Variants in WRN observed in about 807,000 individuals in gnomAD.
WRN encodes WRN RecQ like helicase, also known as bifunctional 3'-5' exonuclease/ATP-dependent helicase WRN.
Under a neutral mutation model 180.7 loss-of-function variants are expected in WRN, and 149 were observed. The ratio of observed to expected loss-of-function variants is 0.82; its 90% CI spans 0.72 to 0.94. WRN has a LOEUF of 0.94. Among genes scored for constraint, WRN ranks in the 40% least tolerant of loss-of-function variants. The pLI, the probability that WRN is intolerant of heterozygous loss-of-function variation, is 0.00. For missense variants in WRN, 1,661 were observed against 1,700.1 expected, an observed-to-expected ratio of 0.98 and a Z score of 0.40; for synonymous variants, 548 against 568.9, an observed-to-expected ratio of 0.96 and a Z score of 0.52.
Position 31,175,175 on chromosome 8 carries a change from G to A in WRN, c.*2073G>A, listed in dbSNP as rs187304680. On this transcript the variant is annotated 3_prime_UTR_variant, in exon 35 of 35. Coordinates refer to ENST00000298139, the MANE Select transcript of WRN (RefSeq NM_000553.6). ...ACTGAGGCCGGGCGCGGTGGCTCACGCCTGTAATCCCAGCACTTTGGGAGG... is the reference window on the plus strand; with the variant it reads ...ACTGAGGCCGGGCGCGGTGGCTCACACCTGTAATCCCAGCACTTTGGGAGG... Among the ~76,000 whole-genome samples, 488 of 152,206 alleles carry A rather than the reference G, an allele frequency of 3.2e-3. 1 individual carries two copies. Among genetic ancestry groups the A allele is most frequent in the African/African-American group, 0.011 (451 of 41,534 alleles).
At chr8:31,094,132 C>T (rs1003630160) in intron 16 of WRN, among the ~76,000 whole-genome samples, 1 of 152,140 alleles carries the variant, frequency 6.6e-6, no homozygotes, top group African/African-American at 2.4e-5. Context: ...ATGACTGGAA[C>T]ATGTGATGCA....
intron 22 of WRN, 105 bp from the exon 23 acceptor site, chr8:31,124,803 C>T: frequency 7.9e-7 from 1 of 1,272,950 alleles, no homozygotes; most frequent in Admixed American, 1.9e-5. Flanking sequence ...ATAATGAAGT[C>T]CCAAGTGAAT....
chr8:31,163,981 T>C (rs1008734328), intron 33 of WRN, among the ~76,000 whole-genome samples: 1 of 151,838 alleles, frequency 6.6e-6, no homozygotes, highest in African/African-American at 2.4e-5. Flanking sequence ...GCCTTCCAAG[T>C]AGCTGGGACC....
chr8:31,135,801 C>T (rs902562954), intron 24 of WRN, among the ~76,000 whole-genome samples: 1 of 150,970 alleles, frequency 6.6e-6, no homozygotes, highest in Non-Finnish European at 1.5e-5. Flanking sequence ...GTCTTTTCTT[C>T]TCTCTTCTCT....
At chr8:31,154,512 T>G (rs1687157504) in intron 31 of WRN, 112 bp from the exon 32 acceptor site, 2 of 1,261,190 alleles carry the variant, frequency 1.6e-6, no homozygotes. Context: ...AATTATTTGT[T>G]GCTTATGGGT....
intron 1 of WRN, among the ~76,000 whole-genome samples, chr8:31,046,688 G>A (rs144842013): frequency 6.6e-5 from 10 of 152,210 alleles, no homozygotes; most frequent in Middle Eastern, 3.4e-3. Flanking sequence ...TGAGATCTTC[G>A]TAGTCTGTAG....
At chr8:31,110,543 T>C (rs1056014066) in intron 18 of WRN, among the ~76,000 whole-genome samples, 6 of 152,166 alleles carry the variant, frequency 3.9e-5, no homozygotes, top group Non-Finnish European at 7.4e-5. Context: ...AAAAGTAGTT[T>C]ATAATTTTTA....
intron 29 of WRN, 46 bp downstream of exon 29, chr8:31,147,174 T>C (rs1394833020): frequency 5.7e-6 from 9 of 1,569,176 alleles, no homozygotes; most frequent in African/African-American, 1.4e-5. Flanking sequence ...AGGATAGTTA[T>C]GATTCTATGT....
At chr8:31,067,773 A>G (rs1040993375) in intron 6 of WRN, among the ~76,000 whole-genome samples, 1 of 152,088 alleles carries the variant, frequency 6.6e-6, no homozygotes, top group African/African-American at 2.4e-5. Flanking sequence ...GTTTTCTCCT[A>G]ACTCATGCTT....
intron 18 of WRN, among the ~76,000 whole-genome samples, chr8:31,106,226 A>G (rs1801090722): frequency 6.6e-6 from 1 of 152,220 alleles, no homozygotes; most frequent in Non-Finnish European, 1.5e-5. Context: ...GATCCCTGCC[A>G]TTCCCCAGGT....
chr8:31,093,142 TTGCCCAGGC>T (rs1348562886), intron 16 of WRN, among the ~76,000 whole-genome samples: 1 of 152,174 alleles, frequency 6.6e-6, no homozygotes, highest in East Asian at 1.9e-4. Flanking sequence ...TCTTGCTTGG[TTGCCCAGGC>T]TGGTCTTGAA....
intron 3 of WRN, among the ~76,000 whole-genome samples, chr8:31,060,535 T>G (rs1812448897): frequency 6.6e-6 from 1 of 152,180 alleles, no homozygotes; most frequent in Non-Finnish European, 1.5e-5. Flanking sequence ...CAAAACCCTG[T>G]CTCAAACAGA....
intron 1 of WRN, among the ~76,000 whole-genome samples, chr8:31,048,385 A>C (rs922972737): frequency 1.4e-4 from 22 of 152,256 alleles, no homozygotes; most frequent in African/African-American, 5.3e-4. Context: ...ACCCCTTCTT[A>C]TTCTTTTTGG....
In WRN at chr8:31,174,843, C is replaced by G. The variant is rs1331194198; in HGVS notation, c.*1741C>G. On this transcript the variant is annotated 3_prime_UTR_variant, in exon 35 of 35. Coordinates refer to ENST00000298139, the MANE Select transcript of WRN (RefSeq NM_000553.6). ...TTCCTCCCTCCCTCCCTCCCTCCCTCCCTCCCTCCTTTCTTTTTCTTTCTC... is the reference window on the plus strand; with the variant it reads ...TTCCTCCCTCCCTCCCTCCCTCCCTGCCTCCCTCCTTTCTTTTTCTTTCTC... Among the ~76,000 whole-genome samples the G allele has an allele frequency of 1.4e-5, 1 of 71,890 alleles. No homozygotes were observed. The highest frequency in any genetic ancestry group is 3.3e-5 in the Non-Finnish European group (1 of 30,038). 47.2% of individuals were successfully genotyped at this position (71,890 alleles called of 152,430 possible).
At chr8:31,152,163 G>A (rs1803159503) in intron 31 of WRN, among the ~76,000 whole-genome samples, 1 of 151,960 alleles carries the variant, frequency 6.6e-6, no homozygotes, top group Admixed American at 6.6e-5. Flanking sequence ...GGAAGGTAGG[G>A]CAAGAATGTG....
At chr8:31,056,002 A>G (rs2129988696) in intron 1 of WRN, among the ~76,000 whole-genome samples, 1 of 152,340 alleles carries the variant, frequency 6.6e-6, no homozygotes, top group African/African-American at 2.4e-5. Context: ...TTTGTAAACA[A>G]ATTTACGTTC....
chr8:31,064,803 T>G, intron 4 of WRN, 112 bp from the exon 5 acceptor site: 1 of 1,277,568 alleles, frequency 7.8e-7, no homozygotes, highest in South Asian at 1.3e-5. Flanking sequence ...GTTTCTGAAT[T>G]TAAAATTACT....
At chr8:31,094,194 C>G (rs944843651) in intron 16 of WRN, among the ~76,000 whole-genome samples, 1 of 152,038 alleles carries the variant, frequency 6.6e-6, no homozygotes. Context: ...CAGAACATAA[C>G]TTTTACCATT....
At chr8:31,160,787 G>A (rs1053312170) in intron 33 of WRN, among the ~76,000 whole-genome samples, 2 of 151,974 alleles carry the variant, frequency 1.3e-5, no homozygotes, top group Admixed American at 6.6e-5. Flanking sequence ...TGTTGGAGAC[G>A]AGCCTGACCA....
Sources: gnomAD v4.1 joint callset for allele counts (sites outside exome capture counted in the v4.1 genomes callset) on GRCh38, gnomAD v4.1.1 for gene constraint, MANE v1.5 for transcripts, NCBI Gene and HGNC (gene_info 2026-07-23, HGNC 2026-07-21) for gene names.